Variants in TXNDC8 observed in about 807,000 individuals in gnomAD.
TXNDC8 encodes thioredoxin domain-containing protein 8.
TXNDC8 carries 15 observed loss-of-function variants against 12.9 expected under a neutral mutation model. That is an observed-to-expected ratio of 1.16 (90% CI 0.78 to 1.79). TXNDC8 has a LOEUF of 1.79. Ranked by LOEUF, TXNDC8 falls within the 40% of genes most tolerant of loss-of-function variation. TXNDC8 has a pLI of 0.00. For synonymous variants in TXNDC8, 40 were observed against 35.4 expected (o/e 1.13, Z -0.46); for missense variants, 128 against 113.2 (o/e 1.13, Z -0.59).
At chr9:110,330,398 A>G (rs970902055) in intron 2 of TXNDC8, among the ~76,000 whole-genome samples, 40 of 152,276 alleles carry the variant, frequency 2.6e-4, no homozygotes, top group African/African-American at 8.9e-4. Context: ...AAATTGTCCT[A>G]TTGGACTCTC....
chr9:110,315,543 CTAA>C (rs1335779046), intron 3 of TXNDC8, among the ~76,000 whole-genome samples: 2 of 152,186 alleles, frequency 1.3e-5, no homozygotes, highest in African/African-American at 4.8e-5. Flanking sequence ...TAGAGTCTGA[CTAA>C]TGACACACTC....
At chr9:110,330,748 T>C (rs148694522) in intron 2 of TXNDC8, among the ~76,000 whole-genome samples, 1 of 152,376 alleles carries the variant, frequency 6.6e-6, no homozygotes, top group East Asian at 1.9e-4. Flanking sequence ...GATTTTGCAC[T>C]ACAGCAGCAA....
intron 2 of TXNDC8, among the ~76,000 whole-genome samples, chr9:110,332,295 A>G (rs1839577300): frequency 1.3e-5 from 2 of 152,146 alleles, no homozygotes; most frequent in Admixed American, 6.5e-5. Context: ...GCCCCAAGCA[A>G]TCCTCCCTCT....
rs765457850 is a variant in TXNDC8, at chr9:110,303,662, C to A, written c.*20G>T. 2 of 1,600,516 alleles carry A rather than the reference C, an allele frequency of 1.2e-6. No individual in the cohort carries two copies. The stretch of plus-strand genomic sequence containing the variant: ...TGTTGAGGCTTTAAGGAATTTTATT[C>A]CTGATTGAAAAGTTAAATCCTACTC... On this transcript the variant is annotated 3_prime_UTR_variant, in exon 5 of 5. Transcript: ENST00000423740.
At chr9:110,304,390 C>A in intron 4 of TXNDC8, 77 bp downstream of exon 5, 2 of 1,345,466 alleles carry the variant, frequency 1.5e-6, no homozygotes, top group African/African-American at 1.5e-5. Context: ...CAGCATTCTG[C>A]CTGAGTGTGT....
chr9:110,335,848 A>G (rs906977929), intron 1 of TXNDC8, among the ~76,000 whole-genome samples: 5 of 152,136 alleles, frequency 3.3e-5, no homozygotes, highest in African/African-American at 1.2e-4. Flanking sequence ...CCCACTATGG[A>G]TGGGTTTAAT....
Position 110,304,547 on chromosome 9 carries a change from A to C in TXNDC8, c.196-15T>G. On this transcript the variant is annotated splice_polypyrimidine_tract_variant and intron_variant, in intron 3 of 4. Coordinates refer to ENST00000423740, the MANE Select transcript of TXNDC8 (RefSeq NM_001286946.2). ...AATAGGGTTACCTAAGTGTGGGTGC[A>C]GAATTTCATAATTTATCTGAGTTGC... 2.5e-6 allele frequency: 4 copies of C among 1,596,212 alleles called. No individual in the cohort carries two copies. The highest frequency in any genetic ancestry group is 3.4e-6 in the Non-Finnish European group (4 of 1,168,596).
chr9:110,307,047 T>C (rs1838496919), intron 3 of TXNDC8, among the ~76,000 whole-genome samples: 1 of 151,810 alleles, frequency 6.6e-6, no homozygotes, highest in Non-Finnish European at 1.5e-5. Context: ...GCTCAAGTGA[T>C]CCTCCCACCT....
At chr9:110,305,559 TTTC>T (rs1436189824) in intron 3 of TXNDC8, among the ~76,000 whole-genome samples, 1 of 106,488 alleles carries the variant, frequency 9.4e-6, no homozygotes, top group Non-Finnish European at 1.9e-5. Flanking sequence ...TCTTTCTTTC[TTTC>T]TTTCTTTCTT....
At chr9:110,312,884 C>A (rs1820453682) in intron 3 of TXNDC8, among the ~76,000 whole-genome samples, 1 of 152,228 alleles carries the variant, frequency 6.6e-6, no homozygotes, top group South Asian at 2.1e-4. Context: ...TCTAATTTCT[C>A]TTGGCTACAA....
In TXNDC8 at chr9:110,320,725, A is replaced by G. The variant is rs1839059275; in HGVS notation, c.195+5450T>C. Among the ~76,000 whole-genome samples the G allele has an allele frequency of 2.0e-5, 3 of 152,364 alleles. No individual in the cohort carries two copies. In the South Asian group the frequency reaches 6.2e-4, roughly 32 times the overall value. On this transcript the variant is annotated intron_variant, in intron 3 of 4. Transcript: ENST00000423740. ...GAGGGTCTATAAATCCAATTTATGA[A>G]CAACTTACAAGAGAATGCAGTTTAA...
intron 3 of TXNDC8, among the ~76,000 whole-genome samples, chr9:110,307,104 C>CT (rs60578345): frequency 0.12 from 17,648 of 142,692 alleles, 1,141 homozygotes; most frequent in African/African-American, 0.17. Flanking sequence ...AATACACTGG[C>CT]TTTTTTTTTT....
chr9:110,320,163 T>A (rs1839036125), intron 3 of TXNDC8, among the ~76,000 whole-genome samples: 1 of 151,950 alleles, frequency 6.6e-6, no homozygotes, highest in Non-Finnish European at 1.5e-5. Context: ...ATTCTTGGTT[T>A]CTCTTTCCCT....
At chr9:110,311,397 G>A (rs968020265) in intron 3 of TXNDC8, among the ~76,000 whole-genome samples, 46 of 150,226 alleles carry the variant, frequency 3.1e-4, no homozygotes, top group African/African-American at 1.1e-3. Flanking sequence ...AAAGAAGTGT[G>A]TCCTTTTTAA....
intron 3 of TXNDC8, among the ~76,000 whole-genome samples, chr9:110,309,513 T>G (rs561843452): frequency 6.6e-5 from 10 of 152,208 alleles, no homozygotes; most frequent in African/African-American, 2.2e-4. Context: ...TTTTTGTATT[T>G]TTAGTAGAGA....
At chr9:110,317,617 TTTC>T (rs1171215109) in intron 3 of TXNDC8, among the ~76,000 whole-genome samples, 3 of 152,236 alleles carry the variant, frequency 2.0e-5, no homozygotes, top group African/African-American at 7.2e-5. Context: ...CACAGGTAAG[TTTC>T]TTCTTTGCAG....
At chr9:110,320,078 T>C (rs1412612913) in intron 3 of TXNDC8, among the ~76,000 whole-genome samples, 1 of 152,232 alleles carries the variant, frequency 6.6e-6, no homozygotes, top group African/African-American at 2.4e-5. Flanking sequence ...TATTTTATTC[T>C]ATAATCAAAG....
Position 110,323,775 on chromosome 9 carries a change from G to A in TXNDC8, c.195+2400C>T, listed in dbSNP as rs560103431. 5.6e-6 allele frequency: 8 copies of A among 1,426,558 alleles called. No individual in the cohort carries two copies. The Admixed American group carries it at 1.6e-4, about 28-fold the overall frequency. The allele number at this position is 1,426,558 out of a possible 1,614,324, so 88.4% of individuals were successfully genotyped here. ...GCTTGACTCTGTTTTCTTCTGTGTG[G>A]TAGATTCGTTTTCAGGTTTTACATG... is the stretch of plus-strand genomic sequence containing the variant. On this transcript the variant is annotated intron_variant, in intron 3 of 4. Transcript: ENST00000423740.
chr9:110,321,898 C>T lies in TXNDC8; in HGVS notation c.195+4277G>A, dbSNP rs150865380. ...TCTGGAGGCAATGTAGAAGTGGGGA[C>T]CTCACTGACCCTGACAGTGCTGCTC... On this transcript the variant is annotated intron_variant, in intron 3 of 4. Transcript: ENST00000423740. 3.0e-3 allele frequency among the ~76,000 whole-genome samples: 462 copies of T among 152,204 alleles called. 2 individuals carry two copies. Among genetic ancestry groups the T allele is most frequent in the African/African-American group, 0.011 (442 of 41,516 alleles).
Sources: gnomAD v4.1 joint callset for allele counts (sites outside exome capture counted in the v4.1 genomes callset) on GRCh38, gnomAD v4.1.1 for gene constraint, MANE v1.5 for transcripts, NCBI Gene and HGNC (gene_info 2026-07-23, HGNC 2026-07-21) for gene names.